The following KCNJ6 variants were observed in gnomAD, a reference collection of about 807,000 sequenced individuals.
The protein encoded by KCNJ6 is potassium inwardly rectifying channel subfamily J member 6.
In KCNJ6, 9 loss-of-function variants were observed where a neutral mutation model predicts 34.2. That is an observed-to-expected ratio of 0.26 (90% CI 0.16 to 0.46). The LOEUF (loss-of-function observed/expected upper bound fraction) is 0.46. Among genes scored for constraint, KCNJ6 ranks in the 20% least tolerant of loss-of-function variants. The pLI is 1.00. For missense variants in KCNJ6, 236 were observed against 531.3 expected (o/e 0.44, Z 5.46); for synonymous variants, 196 against 207.1 (o/e 0.95, Z 0.46).
chr21:37,630,402 C>T (rs2054328986), intron 3 of KCNJ6, among the ~76,000 whole-genome samples: 1 of 152,060 alleles, frequency 6.6e-6, no homozygotes, highest in African/African-American at 2.4e-5. Context: ...CACAGTGCTT[C>T]AATATTGGAG....
intron 2 of KCNJ6, among the ~76,000 whole-genome samples, chr21:37,786,712 T>G (rs569439808): frequency 3.7e-4 from 57 of 152,362 alleles, no homozygotes; most frequent in African/African-American, 1.3e-3. Context: ...AGATTGGCTC[T>G]TGAATTTGCT....
At chr21:37,739,742 T>C (rs1310982224) in intron 2 of KCNJ6, among the ~76,000 whole-genome samples, 1 of 152,078 alleles carries the variant, frequency 6.6e-6, no homozygotes, top group Non-Finnish European at 1.5e-5. Context: ...CTTATGTTGA[T>C]GCCATGCATG....
At chr21:37,836,437 C>T (rs545698818) in intron 2 of KCNJ6, among the ~76,000 whole-genome samples, 2 of 152,294 alleles carry the variant, frequency 1.3e-5, no homozygotes, top group African/African-American at 4.8e-5. Flanking sequence ...GCCACATGCA[C>T]ACACGTGTTT....
chr21:37,796,942 C>T (rs887221948), intron 2 of KCNJ6, among the ~76,000 whole-genome samples: 9 of 151,050 alleles, frequency 6.0e-5, no homozygotes, highest in African/African-American at 1.5e-4. Flanking sequence ...TACAGGCGCC[C>T]GCCACCGCGC....
chr21:37,673,473 A>G (rs1002815193), intron 3 of KCNJ6, among the ~76,000 whole-genome samples: 6 of 152,014 alleles, frequency 3.9e-5, no homozygotes, highest in Admixed American at 2.6e-4. Flanking sequence ...TTTCTCAGGG[A>G]TAGGATTTGT....
At chr21:37,750,579 G>A (rs558086590) in intron 2 of KCNJ6, among the ~76,000 whole-genome samples, 35 of 152,248 alleles carry the variant, frequency 2.3e-4, no homozygotes, top group African/African-American at 7.9e-4. Context: ...TCCTTTGCAG[G>A]GACATGGATG....
At chr21:37,861,623 T>C (rs7282799) in intron 1 of KCNJ6, among the ~76,000 whole-genome samples, 127,742 of 152,080 alleles carry the variant, frequency 0.84, 54,162 homozygotes, top group African/African-American at 0.95. Flanking sequence ...CATGCATTTT[T>C]CAGCACACTT....
chr21:37,756,431 G>A (rs1418903915), intron 2 of KCNJ6, among the ~76,000 whole-genome samples: 2 of 152,186 alleles, frequency 1.3e-5, no homozygotes, highest in African/African-American at 2.4e-5. Flanking sequence ...GGCAGGGGAC[G>A]TGCGTGGAAA....
At chr21:37,646,301 T>A (rs1452292645) in intron 3 of KCNJ6, among the ~76,000 whole-genome samples, 1 of 152,150 alleles carries the variant, frequency 6.6e-6, no homozygotes, top group Admixed American at 6.5e-5. Context: ...CCACGCTACA[T>A]CCCTTGGCTC....
chr21:37,840,754 G>T (rs377358812), intron 1 of KCNJ6, 45 bp from the exon 2 acceptor site: 1 of 1,044,246 alleles, frequency 9.6e-7, no homozygotes, highest in East Asian at 2.4e-5. Context: ...ACATGTCTTA[G>T]ATATGAATTG....
At chr21:37,829,370 G>C (rs1051487704) in intron 2 of KCNJ6, among the ~76,000 whole-genome samples, 1 of 152,226 alleles carries the variant, frequency 6.6e-6, no homozygotes, top group African/African-American at 2.4e-5. Flanking sequence ...AAAGGCAAGT[G>C]GGGGTAGGTG....
chr21:37,633,585 T>C (rs1324196467), intron 3 of KCNJ6, among the ~76,000 whole-genome samples: 1 of 152,162 alleles, frequency 6.6e-6, no homozygotes, highest in Non-Finnish European at 1.5e-5. Flanking sequence ...AGTACAACTA[T>C]TAGGATTACT....
intron 1 of KCNJ6, among the ~76,000 whole-genome samples, chr21:37,858,148 T>C (rs765101113): frequency 4.0e-5 from 6 of 151,850 alleles, no homozygotes; most frequent in Non-Finnish European, 5.9e-5. Context: ...TCTCAGCACT[T>C]TGGGAGGCCG....
intron 3 of KCNJ6, among the ~76,000 whole-genome samples, chr21:37,698,755 G>A (rs2054675665): frequency 6.6e-6 from 1 of 151,068 alleles, no homozygotes; most frequent in Non-Finnish European, 1.5e-5. Flanking sequence ...GGAGTGCAGT[G>A]GCACGATCTT....
intron 2 of KCNJ6, among the ~76,000 whole-genome samples, chr21:37,778,380 C>G (rs372006337): frequency 2.2e-4 from 34 of 152,300 alleles, no homozygotes; most frequent in East Asian, 1.5e-3. Flanking sequence ...TCTTAATAGA[C>G]AACTGTAGCT....
chr21:37,692,890 C>T (rs538580624), intron 3 of KCNJ6, among the ~76,000 whole-genome samples: 76 of 152,304 alleles, frequency 5.0e-4, no homozygotes, highest in Non-Finnish European at 8.2e-4. Flanking sequence ...ATTAGATATG[C>T]TAAGCTTTAC....
At chr21:37,718,824 A>T (rs953966508) in intron 2 of KCNJ6, among the ~76,000 whole-genome samples, 40 of 152,190 alleles carry the variant, frequency 2.6e-4, no homozygotes, top group Admixed American at 9.8e-4. Context: ...ATAATAAAAA[A>T]AAAATACAAT....
At chr21:37,797,039 C>A (rs547708389) in intron 2 of KCNJ6, among the ~76,000 whole-genome samples, 1 of 151,822 alleles carries the variant, frequency 6.6e-6, no homozygotes, top group Non-Finnish European at 1.5e-5. Context: ...ATGATCCACC[C>A]GCCTCGGCCT....
chr21:37,910,313 C>T (rs1028802253), intron 1 of KCNJ6, among the ~76,000 whole-genome samples: 2 of 152,076 alleles, frequency 1.3e-5, no homozygotes, highest in African/African-American at 4.8e-5. Flanking sequence ...AGCAACACCG[C>T]CTACCAAGCA....
Sources: allele counts gnomAD v4.1 joint callset (sites outside exome capture counted in the v4.1 genomes callset), GRCh38; gene constraint gnomAD v4.1.1; transcripts MANE v1.5; gene names NCBI Gene and HGNC (gene_info 2026-07-23, HGNC 2026-07-21).